MPHOSPH8: variants seen among roughly 807,000 people sequenced by gnomAD.
MPHOSPH8 encodes M-phase phosphoprotein 8.
In MPHOSPH8, 45 loss-of-function variants were observed where a neutral mutation model predicts 87.3. That is an observed-to-expected ratio of 0.52 (90% confidence interval 0.41 to 0.66). MPHOSPH8 has a LOEUF of 0.66. MPHOSPH8 is among the 30% of genes least tolerant of loss of function. The pLI, the probability that MPHOSPH8 is intolerant of heterozygous loss-of-function variation, is 0.00. For missense variants in MPHOSPH8, 883 were observed against 1,020.2 expected (o/e 0.87, Z 1.83); for synonymous variants, 366 against 376.9 (o/e 0.97, Z 0.33).
chr13:19,662,880 C>T (rs1283869781), intron 8 of MPHOSPH8, among the ~76,000 whole-genome samples, 160 bp from the exon 9 acceptor site: 2 of 152,182 alleles, frequency 1.3e-5, no homozygotes, highest in Non-Finnish European at 2.9e-5. Context: ...CTCTGTGGGG[C>T]GGGGTGCACC....
rs1450128157 is a variant in MPHOSPH8, at chr13:19,655,448, A to G, written c.1577-3547A>G. Among the ~76,000 whole-genome samples, 4 of 152,174 alleles carry G rather than the reference A, an allele frequency of 2.6e-5. No homozygotes were observed. The East Asian group carries it at 5.8e-4, about 22-fold the overall frequency. The stretch of plus-strand genomic sequence containing the variant: ...ACACCACTGTACTCCAGCCTGGGTA[A>G]CAGAGTGAGACTCTGTCTCAAAAAC... On this transcript the variant is annotated intron_variant, in intron 5 of 13. Transcript: ENST00000361479.
intron 5 of MPHOSPH8, among the ~76,000 whole-genome samples, chr13:19,656,064 G>T (rs147658307): frequency 6.6e-6 from 1 of 152,116 alleles, no homozygotes; most frequent in Non-Finnish European, 1.5e-5. Context: ...TCGCGCCATT[G>T]TACTCCAGCC....
intron 5 of MPHOSPH8, among the ~76,000 whole-genome samples, chr13:19,653,530 G>A (rs1042780583): frequency 1.3e-5 from 2 of 152,058 alleles, no homozygotes; most frequent in African/African-American, 2.4e-5. Context: ...ACAACTCCTC[G>A]CCAAGGGAAC....
rs925687352 is a variant in MPHOSPH8, at chr13:19,673,414, G to T, written c.*1539G>T. ...ACATCCTAAAACTGCCTTTTCCTAT[G>T]GTTTTGTCAATAAAACACTATGATG... On this transcript the variant is annotated 3_prime_UTR_variant, in exon 14 of 14. Transcript: ENST00000361479. 2.1e-5 allele frequency: 5 copies of T among 234,814 alleles called. No individual in the cohort carries two copies. Among genetic ancestry groups the T allele is most frequent in the Admixed American group, 1.0e-4 (2 of 19,740 alleles). The allele number at this position is 234,814 out of a possible 1,614,324, so 14.5% of individuals were successfully genotyped here. A position where few individuals can be genotyped will look rare whatever the true frequency, so the allele number is the denominator to read the frequency against.
Position 19,673,229 on chromosome 13 carries a change from G to C in MPHOSPH8, c.*1354G>C. 2.4e-6 allele frequency: 1 copy of C among 422,766 alleles called. No individual in the cohort carries two copies. The highest frequency in any genetic ancestry group is 1.7e-5 in the South Asian group (1 of 57,912). 26.2% of individuals were successfully genotyped at this position (422,766 alleles called of 1,614,324 possible). On this transcript the variant is annotated 3_prime_UTR_variant, in exon 14 of 14. Transcript: ENST00000361479. ...ACCACCCTCTCTGGGAAGAGTTCCT[G>C]CTTCTGTATGGCAAGCATAAATCAA...
At chr13:19,657,675 C>G (rs947221451) in intron 5 of MPHOSPH8, among the ~76,000 whole-genome samples, 3 of 152,206 alleles carry the variant, frequency 2.0e-5, no homozygotes, top group African/African-American at 7.2e-5. Context: ...AGACCACAAT[C>G]TGAGCTGCAG....
chr13:19,657,121 C>CAAAAAAA (rs11383127), intron 5 of MPHOSPH8, among the ~76,000 whole-genome samples: 4 of 70,080 alleles, frequency 5.7e-5, no homozygotes, highest in Admixed American at 2.1e-4. Context: ...AACTCTGTCT[C>CAAAAAAA]AAAAAAAAAA....
At position 19,668,359 on chromosome 13, in the gene MPHOSPH8, A is replaced by G. The variant is rs375949570; in HGVS notation, c.2175-18A>G. 297 of 1,608,678 alleles carry G rather than the reference A, an allele frequency of 1.8e-4. 4 individuals are homozygous for G. In the South Asian group the frequency reaches 3.1e-3, roughly 17 times the overall value. On this transcript the variant is annotated intron_variant, in intron 10 of 13. Transcript: ENST00000361479. ...CTTTTCTACATTAACGTTAACACGT[A>G]CTATTTTTTTTTCTTAGACTTTCAA...
chr13:19,668,844 AAT>A (rs1875964330), intron 11 of MPHOSPH8, among the ~76,000 whole-genome samples: 1 of 152,144 alleles, frequency 6.6e-6, no homozygotes, highest in Non-Finnish European at 1.5e-5. Context: ...TGTTGTTTGT[AAT>A]AGTCTTTGCC....
intron 7 of MPHOSPH8, among the ~76,000 whole-genome samples, chr13:19,661,366 A>T (rs1875521535): frequency 6.6e-6 from 1 of 152,236 alleles, no homozygotes; most frequent in African/African-American, 2.4e-5. Flanking sequence ...TGGGGTAATG[A>T]TGTGAATAAA....
intron 9 of MPHOSPH8, among the ~76,000 whole-genome samples, chr13:19,665,192 G>A (rs1271720372): frequency 6.6e-6 from 1 of 152,162 alleles, no homozygotes; most frequent in African/African-American, 2.4e-5. Flanking sequence ...TACTGGGTCT[G>A]AATTCAGTAG....
chr13:19,658,949 T>A (rs1875355416), intron 5 of MPHOSPH8, 46 bp from the exon 6 acceptor site: 1 of 1,587,052 alleles, frequency 6.3e-7, no homozygotes, highest in Non-Finnish European at 8.5e-7. Context: ...GTGGGTTTTT[T>A]ATACTTCAGA....
intron 9 of MPHOSPH8, among the ~76,000 whole-genome samples, chr13:19,664,772 A>G (rs999077078): frequency 3.9e-5 from 6 of 151,990 alleles, no homozygotes; most frequent in African/African-American, 1.5e-4. Context: ...TGGGTCGTGT[A>G]GATGTCACCT....
At chr13:19,640,144 G>A (rs1159279659) in intron 1 of MPHOSPH8, among the ~76,000 whole-genome samples, 5 of 152,048 alleles carry the variant, frequency 3.3e-5, no homozygotes, top group Non-Finnish European at 7.4e-5. Context: ...GTAAGACACT[G>A]GGTTTGAATT....
At chr13:19,642,314 AT>A (rs762456502) in intron 2 of MPHOSPH8, 44 bp downstream of exon 2, 24 of 1,461,922 alleles carry the variant, frequency 1.6e-5, no homozygotes, top group Admixed American at 2.4e-5. Context: ...ACATAAATTT[AT>A]TGTAAATTTT....
At chr13:19,670,125 T>C in intron 11 of MPHOSPH8, 111 bp from the exon 12 acceptor site, 2 of 1,302,072 alleles carry the variant, frequency 1.5e-6, no homozygotes, top group East Asian at 2.3e-5. Context: ...GAGTGGGTGA[T>C]GCCTGTCTGA....
Position 19,658,533 on chromosome 13 carries a change from G to A in MPHOSPH8, c.1577-462G>A, listed in dbSNP as rs568880866. 1.4e-4 allele frequency among the ~76,000 whole-genome samples: 21 copies of A among 152,316 alleles called. No homozygotes were observed. In the South Asian group the frequency reaches 4.1e-3, roughly 30 times the overall value. ...GGCTTCCAGATGTAGGGGCCTGTGG[G>A]AGTCTGGAAGGATCCATAAGCAGTG... On this transcript the variant is annotated intron_variant, in intron 5 of 13. Coordinates refer to ENST00000361479, the MANE Select transcript of MPHOSPH8 (RefSeq NM_017520.4).
chr13:19,653,736 C>A (rs948258918), intron 5 of MPHOSPH8, among the ~76,000 whole-genome samples: 2 of 152,156 alleles, frequency 1.3e-5, no homozygotes, highest in Non-Finnish European at 2.9e-5. Context: ...GAGCTGAAAA[C>A]ACAGCACGAG....
intron 4 of MPHOSPH8, among the ~76,000 whole-genome samples, chr13:19,648,793 A>C (rs1291057142): frequency 6.6e-6 from 1 of 152,146 alleles, no homozygotes; most frequent in Non-Finnish European, 1.5e-5. Flanking sequence ...ATTTGTGTAA[A>C]TATAATATTG....
Sources: allele counts gnomAD v4.1 joint callset (sites outside exome capture counted in the v4.1 genomes callset), GRCh38; gene constraint gnomAD v4.1.1; transcripts MANE v1.5; gene names NCBI Gene and HGNC (gene_info 2026-07-23, HGNC 2026-07-21).